Variants in SCTR observed in about 807,000 individuals in gnomAD.
SCTR encodes the protein pancreatic secretin receptor.
Under a neutral mutation model 60.8 loss-of-function variants are expected in SCTR, and 56 were observed. That is an observed-to-expected ratio of 0.92 (90% confidence interval 0.74 to 1.15). The LOEUF (loss-of-function observed/expected upper bound fraction) is 1.15, where lower values mean the gene tolerates loss of function less well. Ranked by LOEUF, SCTR falls within the 50% of genes most tolerant of loss-of-function variation. SCTR has a pLI of 0.00. For missense variants in SCTR, 562 were observed against 550.4 expected (o/e 1.02, Z -0.21); for synonymous variants, 202 against 217.0 (o/e 0.93, Z 0.61).
At chr2:119,445,630 G>A (rs963166090) in intron 11 of SCTR, among the ~76,000 whole-genome samples, 2 of 152,174 alleles carry the variant, frequency 1.3e-5, no homozygotes, top group African/African-American at 2.4e-5. Flanking sequence ...GGACAATATC[G>A]CCCTACCGTG....
At chr2:119,457,632 G>A (rs1573815479) in intron 7 of SCTR, among the ~76,000 whole-genome samples, 1 of 152,172 alleles carries the variant, frequency 6.6e-6, no homozygotes, top group East Asian at 1.9e-4. Flanking sequence ...AGGATCGCTT[G>A]AGCCCAGGAG....
At chr2:119,504,533 G>A (rs1379008395) in intron 1 of SCTR, among the ~76,000 whole-genome samples, 1 of 152,148 alleles carries the variant, frequency 6.6e-6, no homozygotes, top group Non-Finnish European at 1.5e-5. Context: ...GGAGGTTGCA[G>A]TGAGCTAAGA....
chr2:119,445,175 A>C (rs1051814345), intron 11 of SCTR, among the ~76,000 whole-genome samples: 3 of 152,162 alleles, frequency 2.0e-5, no homozygotes, highest in South Asian at 4.1e-4. Context: ...ATGGCCAGGC[A>C]GACCCGGGTC....
chr2:119,462,155 C>A (rs1185402258), intron 6 of SCTR, among the ~76,000 whole-genome samples, 155 bp from the exon 7 acceptor site: 1 of 152,170 alleles, frequency 6.6e-6, no homozygotes, highest in Non-Finnish European at 1.5e-5. Context: ...GGCCTTCCTC[C>A]ATCAGGCCTG....
intron 5 of SCTR, among the ~76,000 whole-genome samples, chr2:119,465,389 C>T (rs968055465): frequency 5.9e-5 from 9 of 152,180 alleles, no homozygotes; most frequent in African/African-American, 1.7e-4. Flanking sequence ...CCAGCCATGC[C>T]TACAGCAGAT....
intron 2 of SCTR, among the ~76,000 whole-genome samples, chr2:119,483,909 G>A (rs532662810): frequency 3.3e-5 from 5 of 152,112 alleles, no homozygotes; most frequent in African/African-American, 1.2e-4. Context: ...GGCTTTGAAT[G>A]CAGCATCTCA....
chr2:119,462,009 A>G lies in SCTR; in HGVS notation c.637-9T>C. ...ACCAGCTTGCAGCCCGCCTGGAGAG[A>G]GAGAGGCAGCTGAACCCAGGCCGGG... On this transcript the variant is annotated splice_polypyrimidine_tract_variant and intron_variant, in intron 6 of 12. Transcript: ENST00000019103. 6.3e-7 allele frequency: 1 copy of G among 1,592,556 alleles called. No homozygotes were observed. Among genetic ancestry groups the G allele is most frequent in the Non-Finnish European group, 8.6e-7 (1 of 1,168,278 alleles).
intron 8 of SCTR, among the ~76,000 whole-genome samples, chr2:119,452,453 C>G (rs889358416): frequency 6.6e-6 from 1 of 152,124 alleles, no homozygotes; most frequent in Non-Finnish European, 1.5e-5. Flanking sequence ...GATCTGGGGA[C>G]ATCAGGCCTG....
intron 2 of SCTR, chr2:119,486,089 G>C (rs1677856791): frequency 6.6e-6 from 1 of 152,178 alleles, no homozygotes; most frequent in African/African-American, 2.4e-5. Context: ...TGAAATCCCA[G>C]GGCAACAAGG....
rs751577818 is a variant in SCTR, at chr2:119,440,265, G to A, written c.1183-8C>T. ...CTGAACCTCCAGCTGCACCTGCCCG[G>A]GAGACCAGCCATCAGCCCAGGAGGA... On this transcript the variant is annotated splice_region_variant and splice_polypyrimidine_tract_variant and intron_variant, in intron 12 of 12. Coordinates refer to ENST00000019103, the MANE Select transcript of SCTR (RefSeq NM_002980.3). 1.9e-6 allele frequency: 3 copies of A among 1,610,878 alleles called. No individual in the cohort carries two copies. Among genetic ancestry groups the A allele is most frequent in the East Asian group, 4.5e-5 (2 of 44,854 alleles).
At chr2:119,515,682 C>T (rs915047706) in intron 1 of SCTR, among the ~76,000 whole-genome samples, 6 of 152,208 alleles carry the variant, frequency 3.9e-5, no homozygotes, top group African/African-American at 1.2e-4. Flanking sequence ...CAAGTGGTCC[C>T]CCCATGGTTC....
intron 1 of SCTR, among the ~76,000 whole-genome samples, chr2:119,494,961 G>A (rs531972469): frequency 4.3e-4 from 66 of 152,162 alleles, no homozygotes; most frequent in African/African-American, 1.4e-3. Flanking sequence ...TAGAGACAGG[G>A]TCGTTCTCTG....
chr2:119,484,454 A>G (rs890813853), intron 2 of SCTR, among the ~76,000 whole-genome samples: 2 of 152,068 alleles, frequency 1.3e-5, no homozygotes, highest in Non-Finnish European at 2.9e-5. Context: ...ACAGCATGGG[A>G]TACCAGGTTG....
chr2:119,459,370 T>C (rs573085819), intron 7 of SCTR, among the ~76,000 whole-genome samples: 3 of 151,978 alleles, frequency 2.0e-5, no homozygotes, highest in Admixed American at 6.5e-5. Flanking sequence ...TGGAAGGAAA[T>C]CTCAGAAAAA....
At chr2:119,458,307 A>C (rs993790191) in intron 7 of SCTR, among the ~76,000 whole-genome samples, 1 of 134,068 alleles carries the variant, frequency 7.5e-6, no homozygotes, top group African/African-American at 2.7e-5. Flanking sequence ...CCCTATCTTG[A>C]AAAAAAAAAA....
intron 2 of SCTR, chr2:119,480,614 A>C (rs1677556476): frequency 6.6e-6 from 1 of 152,232 alleles, no homozygotes; most frequent in Non-Finnish European, 1.5e-5. Flanking sequence ...GCTGTTCGGC[A>C]GGTATTCATT....
intron 2 of SCTR, among the ~76,000 whole-genome samples, chr2:119,492,159 C>A (rs1678155385): frequency 6.6e-6 from 1 of 152,184 alleles, no homozygotes; most frequent in South Asian, 2.1e-4. Context: ...GGTACAGCAG[C>A]CATTATATGA....
chr2:119,462,908 GGGGCATTGCT>G, intron 6 of SCTR, among the ~76,000 whole-genome samples: 1 of 152,204 alleles, frequency 6.6e-6, no homozygotes, highest in South Asian at 2.1e-4. Context: ...GTTCCCTGCT[GGGGCATTGCT>G]GGCCTTGTCC....
intron 2 of SCTR, among the ~76,000 whole-genome samples, chr2:119,491,393 C>T (rs1046966530): frequency 3.3e-5 from 5 of 152,222 alleles, no homozygotes; most frequent in Non-Finnish European, 7.3e-5. Context: ...AACGTCATTT[C>T]CTCAAGAAAG....
Sources: allele counts gnomAD v4.1 joint callset (sites outside exome capture counted in the v4.1 genomes callset), GRCh38; gene constraint gnomAD v4.1.1; transcripts MANE v1.5; gene names NCBI Gene and HGNC (gene_info 2026-07-23, HGNC 2026-07-21).